The following SLC30A9 variants were observed in gnomAD, a reference collection of about 807,000 sequenced individuals.
SLC30A9 encodes the protein proton-coupled zinc antiporter SLC30A9, mitochondrial.
A neutral mutation model predicts 87.5 loss-of-function variants in SLC30A9; 58 were observed. The ratio of observed to expected loss-of-function variants is 0.66; its 90% CI spans 0.54 to 0.82. SLC30A9 has a LOEUF of 0.82. SLC30A9 is among the 40% of genes least tolerant of loss of function. The probability of loss-of-function intolerance (pLI) is 0.00; values close to 1 mark genes in which losing one functional copy is unlikely to be tolerated. For missense variants in SLC30A9, 557 were observed against 679.1 expected (o/e 0.82, Z 2.00); for synonymous variants, 234 against 233.0 (o/e 1.00, Z -0.04).
intron 1 of SLC30A9, among the ~76,000 whole-genome samples, chr4:42,000,211 A>G (rs1300367254): frequency 2.1e-5 from 3 of 144,352 alleles, no homozygotes; most frequent in East Asian, 2.1e-4. Flanking sequence ...CACAAATTCT[A>G]TGAAAATATT....
rs1186543669 is a variant in SLC30A9 at position 42,061,896 on chromosome 4, G to A, written c.897-1090G>A. On this transcript the variant is annotated intron_variant, in intron 10 of 17. Coordinates refer to ENST00000264451, the MANE Select transcript of SLC30A9 (RefSeq NM_006345.4). ...GCCTGTTCAACAAGAGCGAAACTCC[G>A]TTTCAAAAAAAAAAAATGTCGGGCG... is the stretch of plus-strand genomic sequence containing the variant. 7.4e-5 allele frequency among the ~76,000 whole-genome samples: 10 copies of A among 134,390 alleles called. No homozygotes were observed. The South Asian group carries it at 7.6e-4, about 10-fold the overall frequency. The allele number at this position is 134,390 out of a possible 152,430, so 88.2% of individuals were successfully genotyped here. A position where few individuals can be genotyped will look rare whatever the true frequency, so the allele number is the denominator to read the frequency against.
At chr4:42,019,647 T>G (rs1257950532) in intron 3 of SLC30A9, among the ~76,000 whole-genome samples, 2 of 152,148 alleles carry the variant, frequency 1.3e-5, no homozygotes, top group Non-Finnish European at 2.9e-5. Flanking sequence ...ACACATAGAT[T>G]AGTATATGTA....
At chr4:42,085,717 A>G (rs560197455) in intron 17 of SLC30A9, among the ~76,000 whole-genome samples, 1 of 152,264 alleles carries the variant, frequency 6.6e-6, no homozygotes, top group African/African-American at 2.4e-5. Context: ...TAAAGTATAT[A>G]AAATGAGTGG....
Position 42,020,469 on chromosome 4 carries a change from T to G in SLC30A9, c.388T>G (p.Phe130Val). Reference protein sequence around the residue: ...EYGSKYTQNNFITGVRAINEF... With the variant: ...EYGSKYTQNNVITGVRAINEF... ...TGGCTCAAAGTACACTCAGAATAAT[T>G]TCATCACTGGAGTCAGAGCGATAAA... The change falls in exon 4 of 18, where the codon TTC (phenylalanine) becomes GTC (valine). Residue 130 changes from phenylalanine to valine, a missense_variant. Physicochemically the swap from Phe to Val is conservative, Grantham distance 50 (BLOSUM62 -1). This residue lies in a region of SLC30A9 where 467 missense variants were observed against 529.8 expected (regional missense o/e 0.88). Coordinates refer to ENST00000264451, the MANE Select transcript of SLC30A9 (RefSeq NM_006345.4). 6.2e-7 allele frequency: 1 copy of G among 1,604,362 alleles called. No homozygotes were observed. The highest frequency in any genetic ancestry group is 8.5e-7 in the Non-Finnish European group (1 of 1,172,662).
chr4:42,008,294 C>T lies in SLC30A9; in HGVS notation c.274+6514C>T, dbSNP rs150483269. Among the ~76,000 whole-genome samples, 636 of 152,284 alleles carry T rather than the reference C, an allele frequency of 4.2e-3. 6 individuals are homozygous for T. The highest frequency in any genetic ancestry group is 0.014 in the African/African-American group (593 of 41,546). Reference sequence around the variant, plus strand: ...TTAAAATCACTCAACCTAAAGTAGCCACCCAGTAAGTCTTTAATACTACCC... The same window carrying T: ...TTAAAATCACTCAACCTAAAGTAGCTACCCAGTAAGTCTTTAATACTACCC... On this transcript the variant is annotated intron_variant, in intron 2 of 17. Coordinates refer to ENST00000264451, the MANE Select transcript of SLC30A9 (RefSeq NM_006345.4).
intron 15 of SLC30A9, among the ~76,000 whole-genome samples, chr4:42,075,036 TATATATATATATATATATATA>T (rs1718469296): frequency 1.1e-4 from 1 of 9,012 alleles, no homozygotes; most frequent in Non-Finnish European, 2.6e-4. Flanking sequence ...TATATATATA[TATATATATATATATATATATA>T]TATTTTTTTT....
chr4:42,078,018 G>T (rs1718622585), intron 16 of SLC30A9, among the ~76,000 whole-genome samples, 194 bp from the exon 17 acceptor site: 1 of 151,826 alleles, frequency 6.6e-6, no homozygotes, highest in African/African-American at 2.4e-5. Context: ...TGCTACCTCT[G>T]TGTAGTATTA....
chr4:42,027,143 GTA>G (rs979238903), intron 6 of SLC30A9, among the ~76,000 whole-genome samples: 1 of 152,130 alleles, frequency 6.6e-6, no homozygotes, highest in Non-Finnish European at 1.5e-5. Flanking sequence ...GCCTGTTTTT[GTA>G]TAGTTTATAA....
chr4:42,030,539 G>C (rs757194255), intron 6 of SLC30A9, among the ~76,000 whole-genome samples: 7 of 148,510 alleles, frequency 4.7e-5, no homozygotes, highest in Non-Finnish European at 8.9e-5. Flanking sequence ...AGGTTTTGCT[G>C]TCCAAGGTGT....
chr4:42,023,910 A>G (rs751897044), intron 6 of SLC30A9, among the ~76,000 whole-genome samples: 22 of 152,118 alleles, frequency 1.4e-4, no homozygotes, highest in Non-Finnish European at 2.9e-4. Context: ...AAACACTTAT[A>G]AAACCATCAG....
intron 11 of SLC30A9, among the ~76,000 whole-genome samples, chr4:42,063,659 G>A (rs140201918): frequency 6.6e-6 from 1 of 152,300 alleles, no homozygotes; most frequent in Admixed American, 6.5e-5. Context: ...AGTGTTGAGG[G>A]TTTGGATAAG....
chr4:42,066,969 C>T (rs1560557884), intron 13 of SLC30A9, 116 bp from the exon 14 acceptor site: 1 of 665,050 alleles, frequency 1.5e-6, no homozygotes, highest in East Asian at 2.6e-5. Flanking sequence ...CTCTCATACA[C>T]TTTTTTATCT....
At chr4:42,067,939 T>A (rs1360231603) in intron 14 of SLC30A9, among the ~76,000 whole-genome samples, 2 of 152,230 alleles carry the variant, frequency 1.3e-5, no homozygotes, top group Non-Finnish European at 2.9e-5. Flanking sequence ...ATAACTGATG[T>A]ATGAAAGCGC....
intron 7 of SLC30A9, among the ~76,000 whole-genome samples, chr4:42,038,100 C>T (rs1164705683): frequency 1.3e-5 from 2 of 152,104 alleles, no homozygotes; most frequent in African/African-American, 2.4e-5. Flanking sequence ...GTAGCTTTTA[C>T]AGGAAGCTTC....
At position 42,073,961 on chromosome 4, in the gene SLC30A9, G is replaced by A. The variant is rs545154277; in HGVS notation, c.1419-1696G>A. ...AGTTAGTTATATGTAAGAACATAAGGAAAAAGTATATCTAAATATATTTAT... is the reference window on the plus strand; with the variant it reads ...AGTTAGTTATATGTAAGAACATAAGAAAAAAGTATATCTAAATATATTTAT... On this transcript the variant is annotated intron_variant, in intron 15 of 17. Coordinates refer to ENST00000264451, the MANE Select transcript of SLC30A9 (RefSeq NM_006345.4). Among the ~76,000 whole-genome samples, 15 of 152,134 alleles carry A rather than the reference G, an allele frequency of 9.9e-5. No individual in the cohort carries two copies. In the South Asian group the frequency reaches 2.9e-3, roughly 29 times the overall value.
chr4:42,067,029 A>T, intron 13 of SLC30A9, 56 bp from the exon 14 acceptor site: 2 of 940,320 alleles, frequency 2.1e-6, no homozygotes, highest in Non-Finnish European at 1.7e-6. Context: ...GTTACCTGAT[A>T]GTATCAAGTT....
chr4:42,004,344 C>T (rs74551607), intron 2 of SLC30A9, among the ~76,000 whole-genome samples: 4,040 of 152,214 alleles, frequency 0.027, 79 homozygotes, highest in African/African-American at 0.045. Context: ...CTTCCTGGAT[C>T]TGAGGATTGA....
intron 6 of SLC30A9, among the ~76,000 whole-genome samples, chr4:42,026,320 A>G (rs1294049090): frequency 2.6e-5 from 4 of 152,206 alleles, no homozygotes; most frequent in African/African-American, 9.6e-5. Flanking sequence ...CAGATAGGGC[A>G]TATTCCATTG....
chr4:42,074,804 A>G (rs542985229), intron 15 of SLC30A9, among the ~76,000 whole-genome samples: 1 of 151,992 alleles, frequency 6.6e-6, no homozygotes, highest in South Asian at 2.1e-4. Context: ...CCCATGTGGC[A>G]GTTATTATTA....
Sources: allele counts gnomAD v4.1 joint callset (sites outside exome capture counted in the v4.1 genomes callset), GRCh38; gene constraint gnomAD v4.1.1; regional missense constraint gnomAD v4.1.1; transcripts MANE v1.5; gene names NCBI Gene and HGNC (gene_info 2026-07-23, HGNC 2026-07-21).